Variants in MAML2 observed in about 807,000 individuals in gnomAD.
MAML2 encodes mastermind-like protein 2.
Under a neutral mutation model 96.1 loss-of-function variants are expected in MAML2, and 22 were observed. The ratio of observed to expected loss-of-function variants is 0.23; its 90% confidence interval spans 0.16 to 0.33. The LOEUF (loss-of-function observed/expected upper bound fraction) is 0.33, where lower values mean the gene tolerates loss of function less well. Ranked by LOEUF, MAML2 falls within the 10% of genes least tolerant of loss-of-function variation. MAML2 has a pLI of 1.00. For synonymous variants in MAML2, 561 were observed against 521.3 expected, an observed-to-expected ratio of 1.08 and a Z score of -1.04; for missense variants, 1,367 against 1,392.4, an observed-to-expected ratio of 0.98 and a Z score of 0.29.
chr11:96,127,552 C>A (rs7924404), intron 1 of MAML2, among the ~76,000 whole-genome samples: 151,690 of 152,366 alleles, frequency 1, 75,511 homozygotes, highest in East Asian at 1. Context: ...GAAGAAATTG[C>A]AAATGAAGTT....
At chr11:96,184,383 T>G (rs1213144095) in intron 1 of MAML2, among the ~76,000 whole-genome samples, 2 of 151,816 alleles carry the variant, frequency 1.3e-5, no homozygotes, top group Admixed American at 6.6e-5. Context: ...GAAGTTTCAG[T>G]GAGCCGAGAT....
intron 1 of MAML2, among the ~76,000 whole-genome samples, chr11:96,231,520 G>A (rs1862293381): frequency 6.6e-6 from 1 of 152,208 alleles, no homozygotes; most frequent in Non-Finnish European, 1.5e-5. Flanking sequence ...GATGCACCCT[G>A]AGGACTTGGG....
chr11:96,282,879 A>G (rs1863091655), intron 1 of MAML2, among the ~76,000 whole-genome samples: 1 of 152,080 alleles, frequency 6.6e-6, no homozygotes, highest in Non-Finnish European at 1.5e-5. Flanking sequence ...TTTCACTTCA[A>G]CCTTAATGTA....
At chr11:96,122,068 C>T (rs1182053799) in intron 1 of MAML2, among the ~76,000 whole-genome samples, 4 of 147,596 alleles carry the variant, frequency 2.7e-5, no homozygotes, top group African/African-American at 1.0e-4. Context: ...CCTCGGCCTC[C>T]CAAAGTGCTC....
intron 1 of MAML2, among the ~76,000 whole-genome samples, chr11:96,317,256 A>T (rs556270097): frequency 6.6e-6 from 1 of 152,296 alleles, no homozygotes; most frequent in African/African-American, 2.4e-5. Flanking sequence ...AGCCACCTGG[A>T]AGCATAGATA....
intron 2 of MAML2, among the ~76,000 whole-genome samples, chr11:96,044,650 A>G (rs1197320622): frequency 1.3e-5 from 2 of 152,232 alleles, no homozygotes; most frequent in Non-Finnish European, 2.9e-5. Flanking sequence ...GCAAGCCAGG[A>G]AAGAGCAACC....
At chr11:96,098,093 C>T (rs1211500814) in intron 1 of MAML2, among the ~76,000 whole-genome samples, 1 of 152,116 alleles carries the variant, frequency 6.6e-6, no homozygotes, top group East Asian at 1.9e-4. Context: ...AATGAAGATG[C>T]CTTGTGAGCA....
At chr11:96,312,585 T>C (rs1422181853) in intron 1 of MAML2, among the ~76,000 whole-genome samples, 3 of 152,240 alleles carry the variant, frequency 2.0e-5, no homozygotes, top group South Asian at 2.1e-4. Context: ...TTTGACAATA[T>C]GCTAAACTGA....
intron 1 of MAML2, among the ~76,000 whole-genome samples, chr11:96,183,102 C>T (rs1016430214): frequency 1.3e-4 from 20 of 151,704 alleles, no homozygotes; most frequent in African/African-American, 4.4e-4. Flanking sequence ...GGACTACAGG[C>T]GTGTACCACG....
At chr11:96,189,732 G>C (rs1156524888) in intron 1 of MAML2, among the ~76,000 whole-genome samples, 1 of 152,180 alleles carries the variant, frequency 6.6e-6, no homozygotes, top group Admixed American at 6.5e-5. Context: ...CTGATTGTAG[G>C]TGTCCTTGCT....
chr11:96,102,725 G>A (rs1292595029), intron 1 of MAML2, among the ~76,000 whole-genome samples: 1 of 152,076 alleles, frequency 6.6e-6, no homozygotes, highest in East Asian at 1.9e-4. Context: ...TATATCCTTA[G>A]TCATCCTGAC....
chr11:96,294,843 T>C (rs898383817), intron 1 of MAML2, among the ~76,000 whole-genome samples: 3 of 152,208 alleles, frequency 2.0e-5, no homozygotes, highest in Non-Finnish European at 2.9e-5. Flanking sequence ...AATTGCCCTC[T>C]GTCACCAAGC....
chr11:96,014,997 C>A (rs570011099), intron 2 of MAML2, among the ~76,000 whole-genome samples: 1 of 152,270 alleles, frequency 6.6e-6, no homozygotes, highest in Non-Finnish European at 1.5e-5. Flanking sequence ...ACTATAATAA[C>A]CATCTATGTA....
intron 4 of MAML2, among the ~76,000 whole-genome samples, chr11:95,984,149 C>G (rs914480663): frequency 1.2e-4 from 19 of 152,142 alleles, no homozygotes; most frequent in African/African-American, 4.6e-4. Context: ...GTTATAACTG[C>G]CTACAGTAGT....
chr11:95,997,943 T>C (rs1213876262), intron 2 of MAML2, among the ~76,000 whole-genome samples: 1 of 151,876 alleles, frequency 6.6e-6, no homozygotes, highest in African/African-American at 2.4e-5. Context: ...TATATATATA[T>C]ATTTTTAAAA....
At chr11:95,994,582 A>G (rs1178961223) in intron 2 of MAML2, among the ~76,000 whole-genome samples, 1 of 152,122 alleles carries the variant, frequency 6.6e-6, no homozygotes, top group Non-Finnish European at 1.5e-5. Context: ...AGGGGGAAAG[A>G]GGCAGGATCA....
intron 1 of MAML2, among the ~76,000 whole-genome samples, chr11:96,288,293 G>A (rs900544665): frequency 6.6e-6 from 1 of 152,170 alleles, no homozygotes; most frequent in East Asian, 1.9e-4. Flanking sequence ...GTATAAAACA[G>A]ATAAATGGGA....
intron 1 of MAML2, among the ~76,000 whole-genome samples, chr11:96,222,332 C>T (rs1862152181): frequency 6.6e-6 from 1 of 152,210 alleles, no homozygotes; most frequent in Non-Finnish European, 1.5e-5. Flanking sequence ...CACTAGCAGT[C>T]ACCCTGAACA....
intron 1 of MAML2, among the ~76,000 whole-genome samples, chr11:96,192,911 G>T (rs1861674897): frequency 6.6e-6 from 1 of 152,194 alleles, no homozygotes; most frequent in Admixed American, 6.5e-5. Context: ...CAGCAGAATT[G>T]AACTATTTTA....
Sources: allele counts gnomAD v4.1 joint callset (sites outside exome capture counted in the v4.1 genomes callset), GRCh38; gene constraint gnomAD v4.1.1; transcripts MANE v1.5; gene names NCBI Gene and HGNC (gene_info 2026-07-23, HGNC 2026-07-21).